ACACA: variants seen among roughly 807,000 people sequenced by gnomAD.
ACACA encodes the protein acetyl-CoA carboxylase 1.
In ACACA, 103 loss-of-function variants were observed where a neutral mutation model predicts 296.1. That is an observed-to-expected ratio of 0.35 (90% CI 0.30 to 0.41). The LOEUF (loss-of-function observed/expected upper bound fraction) is 0.41. ACACA is among the 10% of genes least tolerant of loss of function. The pLI, the probability that ACACA is intolerant of heterozygous loss-of-function variation, is 1.00. For synonymous variants in ACACA, 953 were observed against 1,038.6 expected (o/e 0.92, Z 1.58); for missense variants, 1,554 against 2,989.7 (o/e 0.52, Z 11.20).
At chr17:37,376,669 T>C (rs1227658592) in intron 1 of ACACA, among the ~76,000 whole-genome samples, 6 of 152,112 alleles carry the variant, frequency 3.9e-5, no homozygotes, top group Non-Finnish European at 5.9e-5. Flanking sequence ...AATTAGCTAA[T>C]CAAGGCTGGG....
At chr17:37,351,843 G>A (rs535601519) in intron 1 of ACACA, among the ~76,000 whole-genome samples, 59 of 151,734 alleles carry the variant, frequency 3.9e-4, no homozygotes, top group Non-Finnish European at 7.9e-4. Flanking sequence ...GTGAGCCACC[G>A]TGCCCAGCCT....
intron 1 of ACACA, among the ~76,000 whole-genome samples, chr17:37,374,356 G>A (rs1190256097): frequency 1.3e-5 from 2 of 148,572 alleles, no homozygotes; most frequent in Non-Finnish European, 3.0e-5. Context: ...GTGCAATCTC[G>A]GCTCACTGCA....
chr17:37,211,559 T>C (rs917463643), intron 29 of ACACA, among the ~76,000 whole-genome samples: 17 of 152,268 alleles, frequency 1.1e-4, no homozygotes, highest in Non-Finnish European at 2.1e-4. Context: ...AACATTCTTT[T>C]ATCAGCATTT....
intron 2 of ACACA, among the ~76,000 whole-genome samples, chr17:37,332,823 T>G (rs1474046267): frequency 2.0e-5 from 3 of 148,700 alleles, no homozygotes; most frequent in Non-Finnish European, 4.4e-5. Flanking sequence ...GGCAGAAGAA[T>G]CACTTGAACC....
Position 37,248,063 on chromosome 17 carries a change from A to G in ACACA, c.2257T>C (p.Leu753=), listed in dbSNP as rs1320636669. Residue 753 remains leucine (L), a synonymous_variant, in exon 18 of 56, where the codon TTG becomes CTG. Transcript: ENST00000616317. ...GTATAACTGCTGCCATCATAGGACA[A>G]GAGCAGTCCACCGTCACTCAGCCGA... is the stretch of plus-strand genomic sequence containing the variant. ...VHRLSDGGLL[L]SYDGSSYTTY... 6.2e-7 allele frequency: 1 copy of G among 1,614,138 alleles called. No individual in the cohort carries two copies. The highest frequency in any genetic ancestry group is 2.2e-5 in the East Asian group (1 of 44,878).
At chr17:37,287,108 A>G (rs758500040) in intron 3 of ACACA, among the ~76,000 whole-genome samples, 15 of 152,170 alleles carry the variant, frequency 9.9e-5, no homozygotes, top group Middle Eastern at 3.2e-3. Flanking sequence ...AAGATAGTGG[A>G]CATAAGCTCC....
At chr17:37,096,854 G>C in intron 54 of ACACA, 142 bp downstream of exon 54, 1 of 981,154 alleles carries the variant, frequency 1.0e-6, no homozygotes, top group Non-Finnish European at 1.6e-6. Context: ...GGAGTAGCTG[G>C]GGGAGGAAAC....
chr17:37,304,499 A>C (rs114736098), intron 3 of ACACA, among the ~76,000 whole-genome samples: 1,746 of 152,268 alleles, frequency 0.011, 40 homozygotes, highest in African/African-American at 0.038. Context: ...TGCTTAAAAA[A>C]ACAGTATTTA....
At chr17:37,245,738 T>A (rs566273095) in intron 19 of ACACA, among the ~76,000 whole-genome samples, 3 of 152,252 alleles carry the variant, frequency 2.0e-5, no homozygotes, top group South Asian at 2.1e-4. Context: ...ACTTGCTACA[T>A]ACCTCCCTCA....
intron 33 of ACACA, among the ~76,000 whole-genome samples, chr17:37,202,750 C>A (rs1170063245): frequency 1.6e-5 from 2 of 124,164 alleles, no homozygotes; most frequent in African/African-American, 3.0e-5. Flanking sequence ...GATGAAAATG[C>A]CAAATGTCCC....
At chr17:37,301,199 A>T (rs2146886268) in intron 3 of ACACA, among the ~76,000 whole-genome samples, 1 of 152,308 alleles carries the variant, frequency 6.6e-6, no homozygotes, top group African/African-American at 2.4e-5. Flanking sequence ...ACCAAACACT[A>T]ACACAGCATA....
At chr17:37,262,545 T>C (rs1328961967) in intron 11 of ACACA, among the ~76,000 whole-genome samples, 1 of 152,122 alleles carries the variant, frequency 6.6e-6, no homozygotes, top group East Asian at 1.9e-4. Context: ...AATTCTACCA[T>C]TGTAGTGATA....
rs766878038 is a variant in ACACA, at chr17:37,252,091, G to A, written c.1995C>T (p.Thr665=). The part of the protein sequence containing the change: ...AEKVQAERPD[T]MLGVVCGALH... ...GGGCACCACACACAACCCCCAACAT[G>A]GTGTCAGGTCGCTCAGCCTGAAAGG... The change falls in exon 16 of 56, where the codon ACC becomes ACT. Residue 665 remains threonine, a synonymous_variant. Transcript: ENST00000616317. 2.2e-5 allele frequency: 36 copies of A among 1,614,036 alleles called. No individual in the cohort carries two copies. The highest frequency in any genetic ancestry group is 2.5e-5 in the Non-Finnish European group (30 of 1,180,028).
chr17:37,086,922 G>T lies in ACACA; in HGVS notation c.*394C>A. On this transcript the variant is annotated 3_prime_UTR_variant, in exon 56 of 56. Transcript: ENST00000616317. ...GGCTCATGGGGCCAGGAGTGAGGGGGGCTGCTCACTGCTGGGCAACTCCTC... is the reference window on the plus strand; with the variant it reads ...GGCTCATGGGGCCAGGAGTGAGGGGTGCTGCTCACTGCTGGGCAACTCCTC... The T allele has an allele frequency of 3.2e-6, 1 of 314,726 alleles. No individual in the cohort carries two copies. Among genetic ancestry groups the T allele is most frequent in the Non-Finnish European group, 6.2e-6 (1 of 161,046 alleles). 19.5% of individuals were successfully genotyped at this position (314,726 alleles called of 1,614,324 possible).
intron 25 of ACACA, among the ~76,000 whole-genome samples, chr17:37,231,973 T>C (rs1252669553): frequency 6.6e-6 from 1 of 152,248 alleles, no homozygotes; most frequent in African/African-American, 2.4e-5. Context: ...TTAAATTGTG[T>C]TACAATGTCC....
At chr17:37,278,972 A>G (rs1021981801) in intron 5 of ACACA, among the ~76,000 whole-genome samples, 1 of 152,164 alleles carries the variant, frequency 6.6e-6, no homozygotes, top group Non-Finnish European at 1.5e-5. Context: ...CTATCAACCC[A>G]TCACCTAGGT....
At chr17:37,133,915 G>A (rs2075219074) in intron 45 of ACACA, among the ~76,000 whole-genome samples, 1 of 152,182 alleles carries the variant, frequency 6.6e-6, no homozygotes, top group South Asian at 2.1e-4. Flanking sequence ...CTGCTGAAGA[G>A]TGCCATGCTG....
At chr17:37,173,609 T>C (rs531168924) in intron 41 of ACACA, among the ~76,000 whole-genome samples, 87 of 152,214 alleles carry the variant, frequency 5.7e-4, no homozygotes, top group African/African-American at 2.0e-3. Context: ...TTTTTTTATA[T>C]GTTTAAAATA....
At position 37,257,801 on chromosome 17, in the gene ACACA, T is replaced by C. The variant is rs1183487101; in HGVS notation, c.1728A>G (p.Gly576=). The change falls in exon 14 of 56, where the codon GGA becomes GGG. Residue 576 remains glycine, a synonymous_variant. Coordinates refer to ENST00000616317, the MANE Select transcript of ACACA (RefSeq NM_198834.3). ...CCCCTGCAGCAGCAACACTGAAATA[T>C]CCCCAAACATTCTTATTGCTGCGGA... ...LNFRSNKNVW[G]YFSVAAAGGL... is the part of the protein sequence containing the mutation. The C allele has an allele frequency of 2.5e-5, 40 of 1,614,050 alleles. No homozygotes were observed. The highest frequency in any genetic ancestry group is 3.2e-5 in the Non-Finnish European group (38 of 1,180,034).
Sources: gnomAD v4.1 joint callset for allele counts (sites outside exome capture counted in the v4.1 genomes callset) on GRCh38, gnomAD v4.1.1 for gene constraint, MANE v1.5 for transcripts, NCBI Gene and HGNC (gene_info 2026-07-23, HGNC 2026-07-21) for gene names.